The following SOX5 variants were observed in gnomAD, a reference collection of about 807,000 sequenced individuals.
The protein encoded by SOX5 is SRY-box transcription factor 5.
In SOX5, 9 loss-of-function variants were observed where a neutral mutation model predicts 92.0. That is an observed-to-expected ratio of 0.10 (90% CI 0.06 to 0.17). The LOEUF is 0.17. Among genes scored for constraint, SOX5 ranks in the 10% least tolerant of loss-of-function variants. The pLI is 1.00. For missense variants in SOX5, 642 were observed against 944.5 expected (o/e 0.68, Z 4.20); for synonymous variants, 344 against 336.3 (o/e 1.02, Z -0.25).
intron 9 of SOX5, among the ~76,000 whole-genome samples, chr12:23,576,970 T>G (rs1272698203): frequency 6.6e-6 from 1 of 151,070 alleles, no homozygotes; most frequent in Non-Finnish European, 1.5e-5. Context: ...ATAACAGGAT[T>G]TGTTGAAAGT....
At chr12:24,239,884 T>C (rs1965239979) in intron 3 of SOX5, among the ~76,000 whole-genome samples, 1 of 152,220 alleles carries the variant, frequency 6.6e-6, no homozygotes, top group African/African-American at 2.4e-5. Context: ...TTGAAGCCGA[T>C]GTCCCAAGTA....
chr12:23,696,761 C>T (rs778759341), intron 6 of SOX5, among the ~76,000 whole-genome samples: 2 of 151,996 alleles, frequency 1.3e-5, no homozygotes, highest in African/African-American at 4.8e-5. Flanking sequence ...GCTTTAGTTC[C>T]GTATCACAAA....
chr12:24,551,243 T>G (rs1009238841), intron 1 of SOX5, among the ~76,000 whole-genome samples: 1 of 152,182 alleles, frequency 6.6e-6, no homozygotes, highest in Admixed American at 6.5e-5. Context: ...ACCAAATACT[T>G]ATTAAATAGC....
chr12:24,482,134 C>G (rs1046673970), intron 1 of SOX5, among the ~76,000 whole-genome samples: 1 of 152,158 alleles, frequency 6.6e-6, no homozygotes, highest in Non-Finnish European at 1.5e-5. Context: ...ACAGCAACAA[C>G]TCTTAAGGCA....
At chr12:24,041,888 T>TA (rs1956563009) in intron 4 of SOX5, among the ~76,000 whole-genome samples, 1 of 152,120 alleles carries the variant, frequency 6.6e-6, no homozygotes, top group Non-Finnish European at 1.5e-5. Context: ...TTTGATGTAT[T>TA]GATTAATAAT....
intron 3 of SOX5, among the ~76,000 whole-genome samples, chr12:24,267,157 T>C (rs538533594): frequency 6.6e-6 from 1 of 152,176 alleles, no homozygotes. Context: ...GCCCAGGAGA[T>C]CAAGGTTGCA....
chr12:24,386,705 T>G (rs1958453979), intron 1 of SOX5, among the ~76,000 whole-genome samples: 1 of 152,208 alleles, frequency 6.6e-6, no homozygotes, highest in South Asian at 2.1e-4. Flanking sequence ...ATCTATTTAT[T>G]TGACTTGCAA....
chr12:23,705,215 T>C (rs1442785955), intron 6 of SOX5, among the ~76,000 whole-genome samples: 1 of 151,966 alleles, frequency 6.6e-6, no homozygotes, highest in Non-Finnish European at 1.5e-5. Flanking sequence ...TTAGTAACTT[T>C]TTCACCCCTT....
At chr12:23,967,773 A>G (rs984877073) in intron 4 of SOX5, among the ~76,000 whole-genome samples, 4 of 152,182 alleles carry the variant, frequency 2.6e-5, no homozygotes, top group Non-Finnish European at 4.4e-5. Flanking sequence ...TTCAGGATAA[A>G]CAGTCCTTAG....
intron 7 of SOX5, among the ~76,000 whole-genome samples, chr12:23,645,925 T>C (rs574971032): frequency 6.6e-5 from 10 of 152,352 alleles, no homozygotes; most frequent in African/African-American, 1.9e-4. Flanking sequence ...CACTTTTTTG[T>C]TTCACAGTAC....
chr12:23,627,076 G>T (rs1026136110), intron 8 of SOX5, among the ~76,000 whole-genome samples: 1 of 152,096 alleles, frequency 6.6e-6, no homozygotes, highest in African/African-American at 2.4e-5. Context: ...ATTCATTCTT[G>T]CTGTAAAACT....
At chr12:24,103,191 G>A (rs1946288392) in intron 4 of SOX5, among the ~76,000 whole-genome samples, 1 of 152,150 alleles carries the variant, frequency 6.6e-6, no homozygotes, top group African/African-American at 2.4e-5. Context: ...TCATATACAA[G>A]GAACAAATTA....
Position 23,534,172 on chromosome 12 carries a change from T to A in SOX5, c.*47A>T. On this transcript the variant is annotated 3_prime_UTR_variant, in exon 15 of 15. Coordinates refer to ENST00000451604, the MANE Select transcript of SOX5 (RefSeq NM_006940.6). ...TTGGCCACTGGTAAGGATGAACCAG[T>A]TAGGGCTTCTTTAAGTCCTAAGGTC... is the stretch of plus-strand genomic sequence containing the variant. The A allele has an allele frequency of 2.0e-6, 3 of 1,534,664 alleles. No homozygotes were observed. The highest frequency in any genetic ancestry group is 2.7e-6 in the Non-Finnish European group (3 of 1,118,374).
intron 3 of SOX5, among the ~76,000 whole-genome samples, chr12:24,240,836 C>A (rs1965426667): frequency 6.6e-6 from 1 of 152,110 alleles, no homozygotes; most frequent in African/African-American, 2.4e-5. Flanking sequence ...TCTATTTTTC[C>A]ATACCAATTA....
chr12:24,198,922 T>TCCC lies in SOX5; in HGVS notation c.-2+14418_-2+14420dup, dbSNP rs554892339. ...GGCAAAATGAGAACTGATGGCCTGC[T>TCCC]CCCCGTGTGGCGCTCCAGTGAGACG... On this transcript the variant is annotated intron_variant, in intron 4 of 4. Transcript: ENST00000446891. Among the ~76,000 whole-genome samples the TCCC allele has an allele frequency of 8.5e-5, 13 of 152,296 alleles. No homozygotes were observed. The East Asian group carries it at 2.5e-3, about 29-fold the overall frequency.
chr12:24,346,186 A>G (rs890823057), intron 2 of SOX5, among the ~76,000 whole-genome samples: 1 of 152,200 alleles, frequency 6.6e-6, no homozygotes, highest in African/African-American at 2.4e-5. Context: ...ATTTAGGGAA[A>G]TTTTCCCAGA....
chr12:23,626,839 T>C (rs2077883507), intron 8 of SOX5, among the ~76,000 whole-genome samples: 1 of 152,130 alleles, frequency 6.6e-6, no homozygotes, highest in Non-Finnish European at 1.5e-5. Flanking sequence ...GAACCCTTAA[T>C]CCATTTATGC....
At chr12:23,705,549 T>C (rs764042505) in intron 6 of SOX5, among the ~76,000 whole-genome samples, 1 of 152,002 alleles carries the variant, frequency 6.6e-6, no homozygotes, top group Non-Finnish European at 1.5e-5. Context: ...TTAATCTTTC[T>C]GAGGAGGGAC....
At chr12:23,654,849 C>T (rs1406122117) in intron 7 of SOX5, among the ~76,000 whole-genome samples, 1 of 151,704 alleles carries the variant, frequency 6.6e-6, no homozygotes, top group Non-Finnish European at 1.5e-5. Context: ...ACATTTTATT[C>T]GAGAGAGTAA....
Sources: allele counts gnomAD v4.1 joint callset (sites outside exome capture counted in the v4.1 genomes callset), GRCh38; gene constraint gnomAD v4.1.1; transcripts MANE v1.5; gene names NCBI Gene and HGNC (gene_info 2026-07-23, HGNC 2026-07-21).